MYO3B: variants seen among roughly 807,000 people sequenced by gnomAD.
MYO3B encodes the protein myosin IIIB, also known as myosin-IIIb.
Under a neutral mutation model 174.6 loss-of-function variants are expected in MYO3B, and 156 were observed. That is an observed-to-expected ratio of 0.89 (90% CI 0.78 to 1.02). MYO3B has a LOEUF of 1.02. Ranked by LOEUF, MYO3B falls within the 50% of genes least tolerant of loss-of-function variation. MYO3B has a pLI of 0.00. For synonymous variants in MYO3B, 563 were observed against 569.1 expected (o/e 0.99, Z 0.15); for missense variants, 1,632 against 1,639.4 (o/e 1.00, Z 0.08).
chr2:170,216,872 C>T (rs1302183537), intron 5 of MYO3B, among the ~76,000 whole-genome samples: 1 of 133,524 alleles, frequency 7.5e-6, no homozygotes, highest in Non-Finnish European at 1.6e-5. Flanking sequence ...GTGATATAGA[C>T]AGGGATGTCC....
chr2:170,377,725 C>G (rs4668251), intron 9 of MYO3B, among the ~76,000 whole-genome samples: 87,652 of 152,126 alleles, frequency 0.58, 28,233 homozygotes, highest in Non-Finnish European at 0.71. Flanking sequence ...TACTTACAAA[C>G]TCATAAAAAC....
intron 32 of MYO3B, among the ~76,000 whole-genome samples, chr2:170,615,428 C>A (rs970577162): frequency 6.6e-6 from 1 of 152,200 alleles, no homozygotes; most frequent in Non-Finnish European, 1.5e-5. Context: ...GAGAAAAGAG[C>A]TTTCTAAAGA....
At chr2:170,277,313 A>G (rs1373447908) in intron 7 of MYO3B, among the ~76,000 whole-genome samples, 2 of 152,228 alleles carry the variant, frequency 1.3e-5, no homozygotes, top group Non-Finnish European at 2.9e-5. Context: ...GGATTTCCCA[A>G]GAAACTAAAA....
At chr2:170,588,664 C>G (rs1030608757) in intron 32 of MYO3B, among the ~76,000 whole-genome samples, 1 of 152,112 alleles carries the variant, frequency 6.6e-6, no homozygotes, top group African/African-American at 2.4e-5. Flanking sequence ...TTTCTCCTTC[C>G]AAATATCACC....
chr2:170,207,872 C>G (rs2092730710), intron 3 of MYO3B, among the ~76,000 whole-genome samples: 1 of 152,052 alleles, frequency 6.6e-6, no homozygotes, highest in Non-Finnish European at 1.5e-5. Context: ...TCTTTCTTTT[C>G]CTCCATCCTT....
intron 6 of MYO3B, among the ~76,000 whole-genome samples, chr2:170,228,560 A>G (rs2092978031): frequency 6.6e-6 from 1 of 152,168 alleles, no homozygotes; most frequent in South Asian, 2.1e-4. Context: ...AAGTAAGAAT[A>G]AATGATCTGT....
At position 170,561,989 on chromosome 2, in the gene MYO3B, A is replaced by T. The variant is rs150672937; in HGVS notation, c.3733+18001A>T. 5.8e-3 allele frequency among the ~76,000 whole-genome samples: 880 copies of T among 152,326 alleles called. 10 individuals are homozygous for T. The highest frequency in any genetic ancestry group is 0.018 in the African/African-American group (747 of 41,586). On this transcript the variant is annotated intron_variant, in intron 32 of 34. Transcript: ENST00000408978. ...ACCTCAGAATTCTTGAAAAAAATAAAAACATTGAATCCTGTGTTTATTGCT... is the reference window on the plus strand; with the variant it reads ...ACCTCAGAATTCTTGAAAAAAATAATAACATTGAATCCTGTGTTTATTGCT...
intron 7 of MYO3B, among the ~76,000 whole-genome samples, chr2:170,332,958 G>A (rs941887759): frequency 1.3e-5 from 2 of 152,162 alleles, no homozygotes; most frequent in Non-Finnish European, 2.9e-5. Context: ...GCTGGCCAGT[G>A]TTGAGCCTAC....
chr2:170,349,264 G>T (rs972992387), intron 8 of MYO3B, among the ~76,000 whole-genome samples: 2 of 152,152 alleles, frequency 1.3e-5, no homozygotes, highest in Non-Finnish European at 2.9e-5. Flanking sequence ...TCAGCGTTGT[G>T]CCTTTTACAG....
At chr2:170,475,330 A>G (rs2105993827) in intron 25 of MYO3B, among the ~76,000 whole-genome samples, 1 of 152,276 alleles carries the variant, frequency 6.6e-6, no homozygotes, top group Middle Eastern at 3.4e-3. Context: ...GGTTCACTGC[A>G]GCTTTGAACT....
chr2:170,199,241 T>C lies in MYO3B; in HGVS notation c.36T>C (p.Pro12=), dbSNP rs2092634774. ...TGTATGGATTATTTCACTATAATCCTATGATGCTTGGACTTGAATCACTTC... is the reference window on the plus strand; with the variant it reads ...TGTATGGATTATTTCACTATAATCCCATGATGCTTGGACTTGAATCACTTC... ...KHLYGLFHYN[P]MMLGLESLPD... The change falls in exon 2 of 35, where the codon CCT becomes CCC. Residue 12 remains proline, a synonymous_variant. Transcript: ENST00000408978. The C allele has an allele frequency of 1.2e-6, 2 of 1,613,184 alleles. No homozygotes were observed. The highest frequency in any genetic ancestry group is 1.7e-5 in the Admixed American group (1 of 59,922).
chr2:170,211,472 A>G (rs2092769603), intron 3 of MYO3B, among the ~76,000 whole-genome samples: 1 of 152,212 alleles, frequency 6.6e-6, no homozygotes, highest in Non-Finnish European at 1.5e-5. Context: ...GAAACCAACA[A>G]GCCTCACTTA....
chr2:170,582,018 ACAGTTGTAAGG>A (rs921928238), intron 32 of MYO3B, among the ~76,000 whole-genome samples: 36 of 152,348 alleles, frequency 2.4e-4, no homozygotes, highest in Non-Finnish European at 3.7e-4. Context: ...GGACAGGCCA[ACAGTTGTAAGG>A]CAGTTGTAAG....
At chr2:170,284,834 C>A (rs1416387330) in intron 7 of MYO3B, among the ~76,000 whole-genome samples, 6 of 152,132 alleles carry the variant, frequency 3.9e-5, no homozygotes, top group African/African-American at 1.2e-4. Flanking sequence ...CTATAGATGA[C>A]CATCACAATA....
chr2:170,607,911 C>T (rs925741383), intron 32 of MYO3B, among the ~76,000 whole-genome samples: 1 of 152,092 alleles, frequency 6.6e-6, no homozygotes, highest in Non-Finnish European at 1.5e-5. Context: ...ATAGAAATCC[C>T]TCTGCTTTGC....
At position 170,383,153 on chromosome 2, in the gene MYO3B, A is replaced by G. The variant is rs1558945145; in HGVS notation, c.1149A>G (p.Leu383=). 1.2e-6 allele frequency: 2 copies of G among 1,612,632 alleles called. No homozygotes were observed. Among genetic ancestry groups the G allele is most frequent in the Non-Finnish European group, 1.7e-6 (2 of 1,178,934 alleles). The change falls in exon 11 of 35, where the codon TTA becomes TTG. Residue 383 remains leucine, a synonymous_variant. Transcript: ENST00000408978. ...YTYVGDILIA[L]NPFQNLSIYS... is the part of the protein sequence containing the mutation. ...ATGTTGGAGACATCTTAATTGCCTT[A>G]AACCCCTTCCAGAATCTAAGCATAT...
At chr2:170,580,718 A>ATGTGTGTT (rs1693086071) in intron 32 of MYO3B, among the ~76,000 whole-genome samples, 1 of 142,702 alleles carries the variant, frequency 7.0e-6, no homozygotes, top group Non-Finnish European at 1.5e-5. Context: ...AACCTTATAT[A>ATGTGTGTT]TGTGTGTGTG....
At chr2:170,469,273 A>C (rs1036368522) in intron 25 of MYO3B, among the ~76,000 whole-genome samples, 14 of 152,198 alleles carry the variant, frequency 9.2e-5, no homozygotes, top group African/African-American at 3.4e-4. Flanking sequence ...TATTCTGTAA[A>C]AGATGTTTCC....
rs372857348 is a variant in MYO3B, at chr2:170,229,081, G to A, written c.604-6910G>A. Among the ~76,000 whole-genome samples, 9 of 151,434 alleles carry A rather than the reference G, an allele frequency of 5.9e-5. No homozygotes were observed. The East Asian group carries it at 1.7e-3, about 29-fold the overall frequency. On this transcript the variant is annotated intron_variant, in intron 6 of 34. Coordinates refer to ENST00000408978, the MANE Select transcript of MYO3B (RefSeq NM_138995.5). ...ATCTCAGCTTATAACACTTTAAGAT[G>A]TTCATTTGTAAAAGTGATAAAAATA... is the stretch of plus-strand genomic sequence containing the variant.
Sources: allele counts gnomAD v4.1 joint callset (sites outside exome capture counted in the v4.1 genomes callset), GRCh38; gene constraint gnomAD v4.1.1; transcripts MANE v1.5; gene names NCBI Gene and HGNC (gene_info 2026-07-23, HGNC 2026-07-21).